The following ZNF391 variants were observed in gnomAD, a reference collection of about 807,000 sequenced individuals.
ZNF391 encodes the protein zinc finger protein 391.
For missense variants in ZNF391, 375 were observed against 425.5 expected, an observed-to-expected ratio of 0.88 and a Z score of 1.04; for synonymous variants, 126 against 142.1, an observed-to-expected ratio of 0.89 and a Z score of 0.80.
chr6:27,389,569 T>C, intron 1 of ZNF391: 2 of 398,556 alleles, frequency 5.0e-6, no homozygotes, highest in Non-Finnish European at 9.6e-6. Context: ...CCCAGCACTT[T>C]GGGAGGCCAA....
chr6:27,382,202 G>A (rs147614915), intron 1 of ZNF391, among the ~76,000 whole-genome samples: 7 of 152,004 alleles, frequency 4.6e-5, no homozygotes, highest in African/African-American at 1.7e-4. Flanking sequence ...GTGTAGTGAT[G>A]GGCGCCAGTA....
chr6:27,398,782 C>T (rs1022561481), intron 1 of ZNF391, among the ~76,000 whole-genome samples: 1 of 152,062 alleles, frequency 6.6e-6, no homozygotes, highest in Admixed American at 6.6e-5. Context: ...TGGTGTGAAC[C>T]CGGGAGGCGG....
rs539289079 is a variant in ZNF391, at chr6:27,400,696, G to A, written c.326G>A (p.Cys109Tyr). The A allele has an allele frequency of 6.2e-7, 1 of 1,613,862 alleles. No homozygotes were observed. Among genetic ancestry groups the A allele is most frequent in the African/African-American group, 1.3e-5 (1 of 74,978 alleles). Residue 109 changes from cysteine (C) to tyrosine (Y), a missense_variant, in exon 3 of 3, where the codon TGT becomes TAT. Transcript: ENST00000244576. Reference protein sequence around the residue: ...HQRLFSQRKPCKCNECEKAFS... With the variant: ...HQRLFSQRKPYKCNECEKAFS... ...AGACTTTTCTCACAAAGAAAACCTT[G>A]TAAATGCAATGAATGTGAAAAAGCC...
chr6:27,400,850 T>A lies in ZNF391; in HGVS notation c.480T>A (p.Thr160=). 6.2e-7 allele frequency: 1 copy of A among 1,614,188 alleles called. No homozygotes were observed. Among genetic ancestry groups the A allele is most frequent in the Non-Finnish European group, 8.5e-7 (1 of 1,180,034 alleles). Residue 160 remains threonine, a synonymous_variant, in exon 3 of 3, where the codon ACT becomes ACA. Transcript: ENST00000244576. ...THLIEHQRTH[T]GEKPYECNEC... ...TTATTGAACATCAAAGAACTCACAC[T>A]GGAGAGAAACCTTATGAATGCAATG...
Position 27,400,703 on chromosome 6 carries a change from C to T in ZNF391, c.333C>T (p.Cys111=). ...RLFSQRKPCK[C]NECEKAFSYQ... ...TCTCACAAAGAAAACCTTGTAAATGCAATGAATGTGAAAAAGCCTTTAGTT... is the reference window on the plus strand; with the variant it reads ...TCTCACAAAGAAAACCTTGTAAATGTAATGAATGTGAAAAAGCCTTTAGTT... The change falls in exon 3 of 3, where the codon TGC becomes TGT. Residue 111 remains cysteine, a synonymous_variant. Transcript: ENST00000244576. 1 of 1,613,724 alleles carries T rather than the reference C, an allele frequency of 6.2e-7. No homozygotes were observed. Among genetic ancestry groups the T allele is most frequent in the South Asian group, 1.1e-5 (1 of 91,056 alleles).
intron 1 of ZNF391, among the ~76,000 whole-genome samples, chr6:27,378,845 C>G (rs1328981088): frequency 6.6e-6 from 1 of 151,978 alleles, no homozygotes; most frequent in Admixed American, 6.6e-5. Context: ...GGAAGGATCT[C>G]TTTAGCCTAT....
intron 1 of ZNF391, among the ~76,000 whole-genome samples, chr6:27,382,968 A>C (rs1761531716): frequency 6.6e-6 from 1 of 152,064 alleles, no homozygotes. Context: ...AAAAATACAA[A>C]AATTAGCTGG....
chr6:27,400,984 G>T lies in ZNF391; in HGVS notation c.614G>T (p.Ser205Ile). The change falls in exon 3 of 3, where the codon AGC becomes ATC. Residue 205 changes from serine (S) to isoleucine (I), a missense_variant. Coordinates refer to ENST00000244576, the MANE Select transcript of ZNF391 (RefSeq NM_001076781.3). ...GAATGTGGAAAAGCCTTTAGCCGAA[G>T]CACTAACCTTAGTCAGCATCAGCGA... The part of the protein sequence containing the change: ...CSECGKAFSR[S>I]TNLSQHQRTH... 6.2e-7 allele frequency: 1 copy of T among 1,614,186 alleles called. No individual in the cohort carries two copies. The highest frequency in any genetic ancestry group is 8.5e-7 in the Non-Finnish European group (1 of 1,180,034).
At chr6:27,398,330 T>C (rs1269386626) in intron 1 of ZNF391, among the ~76,000 whole-genome samples, 1 of 151,960 alleles carries the variant, frequency 6.6e-6, no homozygotes, top group African/African-American at 2.4e-5. Context: ...AAATTTAGAG[T>C]CCAGGGATGG....
Position 27,402,446 on chromosome 6 carries a change from C to T in ZNF391, c.*999C>T, listed in dbSNP as rs1266495066. 6.6e-6 allele frequency: 1 copy of T among 152,118 alleles called. No homozygotes were observed. The highest frequency in any genetic ancestry group is 1.5e-5 in the Non-Finnish European group (1 of 68,028). The allele number at this position is 152,118 out of a possible 1,614,324, so 9.4% of individuals were successfully genotyped here. ...TCAGGATCCATGATTCTGTGCTGAT[C>T]TACACTTTTCCTACCTCTCAGCATT... On this transcript the variant is annotated 3_prime_UTR_variant, in exon 3 of 3. Transcript: ENST00000244576.
In ZNF391 at chr6:27,402,395, G is replaced by C. The variant is rs191177431; in HGVS notation, c.*948G>C. 6.6e-6 allele frequency: 1 copy of C among 152,140 alleles called. No individual in the cohort carries two copies. Among genetic ancestry groups the C allele is most frequent in the East Asian group, 1.9e-4 (1 of 5,162 alleles). 9.4% of individuals were successfully genotyped at this position (152,140 alleles called of 1,614,324 possible). A position where few individuals can be genotyped will look rare whatever the true frequency, so the allele number is the denominator to read the frequency against. On this transcript the variant is annotated 3_prime_UTR_variant, in exon 3 of 3. Coordinates refer to ENST00000244576, the MANE Select transcript of ZNF391 (RefSeq NM_001076781.3). ...TGCAGAATTGGCACTTTTTGCCACT[G>C]TTATGCCTTAAATCTTGAGCTTCTT... is the stretch of plus-strand genomic sequence containing the variant.
chr6:27,383,581 C>A (rs1358808549), intron 1 of ZNF391, among the ~76,000 whole-genome samples: 1 of 152,132 alleles, frequency 6.6e-6, no homozygotes, highest in Non-Finnish European at 1.5e-5. Context: ...TTGCAGACTG[C>A]CAAACTCTTG....
intron 1 of ZNF391, among the ~76,000 whole-genome samples, 168 bp from the exon 2 acceptor site, chr6:27,399,274 T>C (rs972824398): frequency 6.6e-6 from 1 of 152,206 alleles, no homozygotes; most frequent in East Asian, 1.9e-4. Context: ...TCTTTTGGCA[T>C]CTAATTTTAG....
chr6:27,392,472 G>A (rs538862091), intron 1 of ZNF391, among the ~76,000 whole-genome samples: 2 of 152,098 alleles, frequency 1.3e-5, no homozygotes, highest in South Asian at 2.1e-4. Context: ...GGCTAGTCTC[G>A]AACTCCTGAC....
chr6:27,394,491 T>A (rs1397147053), intron 1 of ZNF391, among the ~76,000 whole-genome samples: 1 of 151,972 alleles, frequency 6.6e-6, no homozygotes, highest in African/African-American at 2.4e-5. Flanking sequence ...CTGCCTAGAG[T>A]TAAGAGGATG....
chr6:27,390,619 T>C (rs1008979248), intron 1 of ZNF391, among the ~76,000 whole-genome samples: 3 of 152,106 alleles, frequency 2.0e-5, no homozygotes, highest in Admixed American at 2.0e-4. Flanking sequence ...CTTACATACA[T>C]CCTCCAAAGC....
chr6:27,378,279 C>A (rs1453630198), intron 1 of ZNF391, among the ~76,000 whole-genome samples: 8 of 152,134 alleles, frequency 5.3e-5, no homozygotes, highest in Non-Finnish European at 8.8e-5. Context: ...TGTGAAGAGA[C>A]CACTAAACAG....
intron 1 of ZNF391, among the ~76,000 whole-genome samples, chr6:27,394,361 G>A (rs1435640104): frequency 2.0e-5 from 3 of 152,224 alleles, no homozygotes; most frequent in Non-Finnish European, 2.9e-5. Context: ...GGTTCCAATG[G>A]GCCCAGGTAC....
At chr6:27,383,659 C>A (rs1034281566) in intron 1 of ZNF391, among the ~76,000 whole-genome samples, 5 of 152,156 alleles carry the variant, frequency 3.3e-5, no homozygotes, top group Admixed American at 6.5e-5. Context: ...GGGCACTAAT[C>A]CTATTAATGA....
Sources: allele counts gnomAD v4.1 joint callset (sites outside exome capture counted in the v4.1 genomes callset), GRCh38; gene constraint gnomAD v4.1.1; transcripts MANE v1.5; gene names NCBI Gene and HGNC (gene_info 2026-07-23, HGNC 2026-07-21).